PSPC1: variants seen among roughly 807,000 people sequenced by gnomAD.
The protein encoded by PSPC1 is paraspeckle protein 1.
Under a neutral mutation model 51.6 loss-of-function variants are expected in PSPC1, and 14 were observed. The ratio of observed to expected loss-of-function variants is 0.27; its 90% CI spans 0.18 to 0.42. The LOEUF (loss-of-function observed/expected upper bound fraction) is 0.42, where lower values mean the gene tolerates loss of function less well. Among genes scored for constraint, PSPC1 ranks in the 10% least tolerant of loss-of-function variants. The pLI is 1.00. For missense variants in PSPC1, 406 were observed against 701.1 expected, an observed-to-expected ratio of 0.58 and a Z score of 4.75; for synonymous variants, 193 against 231.9, an observed-to-expected ratio of 0.83 and a Z score of 1.53.
chr13:19,759,264 C>G (rs1887387696), intron 3 of PSPC1, 59 bp downstream of exon 3: 2 of 1,341,992 alleles, frequency 1.5e-6, no homozygotes, highest in Non-Finnish European at 1.1e-6. Context: ...TATTTGAAAA[C>G]AAATGTAATG....
In PSPC1 at chr13:19,720,790, ATATAG is replaced by A. The variant is rs1882676762; in HGVS notation, c.1158+9444_1158+9448del. Among the ~76,000 whole-genome samples the A allele has an allele frequency of 3.9e-5, 6 of 152,190 alleles. No homozygotes were observed. The South Asian group carries it at 1.2e-3, about 31-fold the overall frequency. ...GCCAGGGTTTGACACATAGTGCACAATATAGTATAAGATACCATTAAGAAAAGAAA... is the reference window on the plus strand; with the variant it reads ...GCCAGGGTTTGACACATAGTGCACAATATAAGATACCATTAAGAAAAGAAA... On this transcript the variant is annotated intron_variant, in intron 6 of 8. Coordinates refer to ENST00000338910, the MANE Select transcript of PSPC1 (RefSeq NM_001354909.2).
At chr13:19,691,840 C>A (rs1181528140) in intron 6 of PSPC1, among the ~76,000 whole-genome samples, 1 of 151,928 alleles carries the variant, frequency 6.6e-6, no homozygotes, top group Non-Finnish European at 1.5e-5. Flanking sequence ...ATCACTTGAA[C>A]CTGGGAGGTG....
chr13:19,782,843 C>A lies in PSPC1; in HGVS notation c.-86G>T. The A allele has an allele frequency of 1.5e-6, 2 of 1,347,270 alleles. No individual in the cohort carries two copies. The highest frequency in any genetic ancestry group is 2.1e-5 in the South Asian group (1 of 48,594). 83.5% of individuals were successfully genotyped at this position (1,347,270 alleles called of 1,614,324 possible). A position where few individuals can be genotyped will look rare whatever the true frequency, so the allele number is the denominator to read the frequency against. On this transcript the variant is annotated 5_prime_UTR_variant, in exon 1 of 9. In the 5' UTR this introduces an upstream ATG that the reference lacks. Transcript: ENST00000338910. The surrounding 1 kb of genome is among the most constrained non-coding windows in gnomAD (Gnocchi z 4.5). Reference sequence around the variant, plus strand: ...TATATGTATACGTCTCTACATAAACCTATGCCAACAAAATATCGACAATCA... The same window carrying A: ...TATATGTATACGTCTCTACATAAACATATGCCAACAAAATATCGACAATCA...
chr13:19,732,681 C>G (rs533045706), intron 5 of PSPC1, among the ~76,000 whole-genome samples: 1 of 152,208 alleles, frequency 6.6e-6, no homozygotes, highest in South Asian at 2.1e-4. Flanking sequence ...TAATCCCACA[C>G]TTTGGGAGCC....
At position 19,779,319 on chromosome 13, in the gene PSPC1, G is replaced by A. The variant is rs1420866054; in HGVS notation, c.372+3067C>T. ...CCCCGCCCGGCCAGCCGCCCCATCC[G>A]GGAGGGACGTGGGGGGTCAGCCCCC... On this transcript the variant is annotated intron_variant, in intron 1 of 8. Transcript: ENST00000338910. Among the ~76,000 whole-genome samples, 8 of 109,272 alleles carry A rather than the reference G, an allele frequency of 7.3e-5. No individual in the cohort carries two copies. The South Asian group carries it at 2.2e-3, about 30-fold the overall frequency. The allele number at this position is 109,272 out of a possible 152,430, so 71.7% of individuals were successfully genotyped here.
chr13:19,767,018 C>T (rs1888140896), intron 2 of PSPC1, among the ~76,000 whole-genome samples: 1 of 151,278 alleles, frequency 6.6e-6, no homozygotes, highest in Non-Finnish European at 1.5e-5. Context: ...ACAAAAAATA[C>T]AAAAAGTAGG....
At chr13:19,690,471 T>C (rs1243816337) in intron 6 of PSPC1, among the ~76,000 whole-genome samples, 1 of 152,200 alleles carries the variant, frequency 6.6e-6, no homozygotes, top group Admixed American at 6.5e-5. Flanking sequence ...AGAAAAGGTG[T>C]GAGAGAAAAA....
chr13:19,711,345 C>A (rs1404948479), intron 6 of PSPC1, among the ~76,000 whole-genome samples: 1 of 151,752 alleles, frequency 6.6e-6, no homozygotes, highest in Non-Finnish European at 1.5e-5. Context: ...CATGGTGAAA[C>A]CTGTCTCTAG....
At position 19,782,930 on chromosome 13, in the gene PSPC1, G is replaced by C. The variant is rs759595987; in HGVS notation, c.-173C>G. On this transcript the variant is annotated 5_prime_UTR_variant, in exon 1 of 9. Coordinates refer to ENST00000338910, the MANE Select transcript of PSPC1 (RefSeq NM_001354909.2). This position sits in a 1 kb window ranked among gnomAD's most constrained non-coding sequence, Gnocchi z 4.5. ...CCCCCAACTCACGCCCGCTGCAGCT[G>C]CACATTCAAAATGGCGCTGCCACAA... 8.1e-6 allele frequency: 5 copies of C among 620,862 alleles called. No homozygotes were observed. Among genetic ancestry groups the C allele is most frequent in the Non-Finnish European group, 1.2e-5 (5 of 409,714 alleles). 38.5% of individuals were successfully genotyped at this position (620,862 alleles called of 1,614,324 possible).
intron 5 of PSPC1, among the ~76,000 whole-genome samples, chr13:19,739,745 A>G (rs1160896411): frequency 1.3e-5 from 2 of 152,118 alleles, no homozygotes; most frequent in African/African-American, 2.4e-5. Context: ...CTCCGTCTCC[A>G]AAATAAAATT....
chr13:19,736,107 A>AC (rs1181293116), intron 5 of PSPC1, among the ~76,000 whole-genome samples: 1 of 152,010 alleles, frequency 6.6e-6, no homozygotes, highest in African/African-American at 2.4e-5. Context: ...GGCATGAGCC[A>AC]CCGCGCCCGG....
rs190404375 is a variant in PSPC1 at position 19,695,505 on chromosome 13, A to T, written c.1159-17682T>A. Reference sequence around the variant, plus strand: ...ACAATACACAGCCAAGAAACAAAAGAAGTAGTCTTATTTTTCCCAATTAAT... The same window carrying T: ...ACAATACACAGCCAAGAAACAAAAGTAGTAGTCTTATTTTTCCCAATTAAT... On this transcript the variant is annotated intron_variant and NMD_transcript_variant, in intron 6 of 7. Transcript: ENST00000471658. 1.3e-3 allele frequency among the ~76,000 whole-genome samples: 200 copies of T among 152,320 alleles called. 1 individual carries two copies. Among genetic ancestry groups the T allele is most frequent in the Non-Finnish European group, 2.4e-3 (163 of 68,024 alleles).
intron 5 of PSPC1, among the ~76,000 whole-genome samples, chr13:19,735,241 G>C (rs1409492992): frequency 6.6e-6 from 1 of 152,300 alleles, no homozygotes; most frequent in South Asian, 2.1e-4. Context: ...GAACCGAAGA[G>C]GCAGAGGTTG....
At chr13:19,718,058 C>T (rs1012283656) in intron 6 of PSPC1, among the ~76,000 whole-genome samples, 6 of 151,792 alleles carry the variant, frequency 4.0e-5, no homozygotes, top group African/African-American at 7.3e-5. Context: ...AATTTTTAAA[C>T]GTTTTAAAAT....
intron 4 of PSPC1, among the ~76,000 whole-genome samples, chr13:19,749,397 G>A (rs1323147187): frequency 6.6e-6 from 1 of 151,630 alleles, no homozygotes; most frequent in Non-Finnish European, 1.5e-5. Context: ...GCACGCACCT[G>A]TAGTCCCAGG....
At chr13:19,736,965 ATTTGT>A (rs1375932775) in intron 5 of PSPC1, 22 of 151,950 alleles carry the variant, frequency 1.4e-4, no homozygotes, top group East Asian at 9.7e-4. Flanking sequence ...TTGCTTGTTT[ATTTGT>A]TTTAAGAGAC....
chr13:19,765,485 A>G (rs1372664109), intron 2 of PSPC1, among the ~76,000 whole-genome samples: 1 of 149,412 alleles, frequency 6.7e-6, no homozygotes, highest in African/African-American at 2.5e-5. Context: ...TAATTTTAAG[A>G]AAAGGGATCT....
rs990443866 is a variant in PSPC1 at position 19,694,138 on chromosome 13, A to T, written c.1159-16315T>A. Among the ~76,000 whole-genome samples the T allele has an allele frequency of 5.6e-5, 4 of 71,954 alleles. No individual in the cohort carries two copies. In the Admixed American group the frequency reaches 6.9e-4, roughly 12 times the overall value. The allele number at this position is 71,954 out of a possible 152,430, so 47.2% of individuals were successfully genotyped here. On this transcript the variant is annotated intron_variant and NMD_transcript_variant, in intron 6 of 7. Coordinates refer to the PSPC1 transcript ENST00000471658. ...ACTCCATCTCAAAAAAAAAAAAAAA[A>T]AAAAAAAAAAAACCATATATATATA...
chr13:19,714,711 T>A lies in PSPC1; in HGVS notation c.1159-5112A>T, dbSNP rs370213813. On this transcript the variant is annotated intron_variant, in intron 6 of 8. Transcript: ENST00000338910. ...GGTTTTACCATGTTACTTGGGATGG[T>A]CTTGAACTCCTGAGCTCAAGTGATC... 1.7e-4 allele frequency among the ~76,000 whole-genome samples: 26 copies of A among 152,198 alleles called. No individual in the cohort carries two copies. The East Asian group carries it at 4.8e-3, about 28-fold the overall frequency.
Sources: allele counts gnomAD v4.1 joint callset (sites outside exome capture counted in the v4.1 genomes callset), GRCh38; gene constraint gnomAD v4.1.1; non-coding constraint Gnocchi (gnomAD v3.1); transcripts MANE v1.5; gene names NCBI Gene and HGNC (gene_info 2026-07-23, HGNC 2026-07-21).